DNAH5: variants seen among roughly 807,000 people sequenced by gnomAD.
DNAH5 encodes dynein axonemal heavy chain 5.
Under a neutral mutation model 518.2 loss-of-function variants are expected in DNAH5, and 372 were observed. The observed-to-expected ratio is 0.72, with a 90% CI of 0.66 to 0.78. The LOEUF (loss-of-function observed/expected upper bound fraction) is 0.78. DNAH5 is among the 30% of genes least tolerant of loss of function. DNAH5 has a pLI of 0.00. For synonymous variants in DNAH5, 2,039 were observed against 2,025.9 expected, an observed-to-expected ratio of 1.01 and a Z score of -0.17; for missense variants, 5,523 against 5,687.0, an observed-to-expected ratio of 0.97 and a Z score of 0.93.
In DNAH5 at chr5:13,766,162, G is replaced by A. The variant is rs2126762928; in HGVS notation, c.9915C>T (p.Asp3305=). The A allele has an allele frequency of 1.2e-6, 2 of 1,614,198 alleles. No homozygotes were observed. Among genetic ancestry groups the A allele is most frequent in the South Asian group, 2.2e-5 (2 of 91,086 alleles). ...EAALQTIRPS[D]IATVRTLGRP... ...GGCCCAACGTGCGAACAGTGGCGAT[G>A]TCCGAAGGCCTGATGGTCTGGGGGA... is the stretch of plus-strand genomic sequence containing the variant. Residue 3305 remains aspartate (D), a synonymous_variant, in exon 59 of 79, where the codon GAC becomes GAT. Coordinates refer to ENST00000265104, the MANE Select transcript of DNAH5 (RefSeq NM_001369.3).
chr5:13,892,756 C>T (rs1356088418), intron 16 of DNAH5, among the ~76,000 whole-genome samples: 2 of 152,094 alleles, frequency 1.3e-5, no homozygotes, highest in African/African-American at 4.8e-5. Context: ...TGTTTTTATA[C>T]ATTTCATAAG....
At chr5:13,877,404 T>C (rs889060597) in intron 21 of DNAH5, among the ~76,000 whole-genome samples, 1 of 152,200 alleles carries the variant, frequency 6.6e-6, no homozygotes, top group Non-Finnish European at 1.5e-5. Flanking sequence ...CCTGAGGCAA[T>C]GATATTAGTT....
At chr5:13,839,265 G>T in intron 35 of DNAH5, 91 bp downstream of exon 35, 1 of 1,141,800 alleles carries the variant, frequency 8.8e-7, no homozygotes, top group Non-Finnish European at 1.3e-6. Context: ...AGTATAAAGA[G>T]CCTATAAACC....
chr5:13,792,149 T>C lies in DNAH5; in HGVS notation c.8293A>G (p.Lys2765Glu), dbSNP rs1363653850. 1.2e-6 allele frequency: 2 copies of C among 1,613,908 alleles called. No homozygotes were observed. The highest frequency in any genetic ancestry group is 3.3e-5 in the Admixed American group (2 of 59,980). Reference sequence around the variant, plus strand: ...AGTCGGCGTGTCAGAGGCACCAATTTTGTCACAGAATCTCTCACTTCTTCT... The same window carrying C: ...AGTCGGCGTGTCAGAGGCACCAATTCTGTCACAGAATCTCTCACTTCTTCT... ...FSEEVRDSVTKLVPLTRRLWQ... is the reference protein window; with the variant it reads ...FSEEVRDSVTELVPLTRRLWQ... Residue 2765 changes from lysine (K) to glutamate (E), a missense_variant, in exon 50 of 79, where the codon AAA becomes GAA. By Grantham distance (56) the Lys-to-Glu change is moderately conservative (BLOSUM62 1). Around this residue, in one of 3 missense-constraint regions of DNAH5, gnomAD observed 5,121 missense variants for 5,223.3 expected, o/e 0.98. Coordinates refer to ENST00000265104, the MANE Select transcript of DNAH5 (RefSeq NM_001369.3).
Position 13,780,832 on chromosome 5 carries a change from G to T in DNAH5, c.8948C>A (p.Thr2983Lys). The change falls in exon 53 of 79, where the codon ACG (threonine) becomes AAG (lysine). Residue 2983 changes from threonine to lysine, a missense_variant. Physicochemically the swap from Thr to Lys is moderately conservative, Grantham distance 78. This residue lies in a region of DNAH5 where 5,121 missense variants were observed against 5,223.3 expected (regional missense o/e 0.98). Transcript: ENST00000265104. ...TGTTAAAGTAAAAGGTTGTCACCTC[G>T]TCAGAGTGATCTGGAAGGAAACGTA... ...AGYVSFQITL[T>K]RSYNTSNLME... 2 of 1,613,470 alleles carry T rather than the reference G, an allele frequency of 1.2e-6. No individual in the cohort carries two copies. The highest frequency in any genetic ancestry group is 1.3e-5 in the African/African-American group (1 of 75,008).
intron 24 of DNAH5, 142 bp from the exon 25 acceptor site, chr5:13,868,134 G>C: frequency 2.7e-6 from 2 of 735,686 alleles, no homozygotes; most frequent in Non-Finnish European, 4.6e-6. Context: ...ACTTCAAACC[G>C]CAAGAGGTTA....
At chr5:14,008,566 C>T (rs1283260677) in intron 1 of DNAH5, among the ~76,000 whole-genome samples, 2 of 151,526 alleles carry the variant, frequency 1.3e-5, no homozygotes, top group African/African-American at 2.4e-5. Context: ...TGCTTGAACC[C>T]TTGGAGATGG....
intron 11 of DNAH5, 126 bp from the exon 12 acceptor site, chr5:13,911,619 A>AT (rs560617577): frequency 2.6e-6 from 2 of 768,710 alleles, no homozygotes; most frequent in African/African-American, 3.5e-5. Context: ...AGGAAGCCTT[A>AT]TTTTTTTACT....
At chr5:13,927,231 A>C (rs1777969329) in intron 3 of DNAH5, among the ~76,000 whole-genome samples, 2 of 152,200 alleles carry the variant, frequency 1.3e-5, no homozygotes, top group Admixed American at 6.5e-5. Context: ...ACGGTGGCTC[A>C]CGCCTATATC....
intron 2 of DNAH5, among the ~76,000 whole-genome samples, chr5:13,930,846 C>G (rs1190614965): frequency 6.6e-6 from 1 of 152,232 alleles, no homozygotes; most frequent in African/African-American, 2.4e-5. Context: ...GAGAGCCCAG[C>G]TTCACTGGAT....
intron 65 of DNAH5, among the ~76,000 whole-genome samples, chr5:13,750,139 G>A (rs374949203): frequency 3.9e-5 from 6 of 152,218 alleles, no homozygotes; most frequent in South Asian, 2.1e-4. Flanking sequence ...GGCAAGCACC[G>A]TACAACACAC....
Position 13,810,172 on chromosome 5 carries a change from T to A in DNAH5, c.7496A>T (p.Asp2499Val). Residue 2499 changes from aspartate to valine, a missense_variant, in exon 45 of 79, where the codon GAC becomes GTC. Asp to Val is a radical substitution (Grantham distance 152, BLOSUM62 -3). Around this residue, in one of 3 missense-constraint regions of DNAH5, gnomAD observed 5,121 missense variants for 5,223.3 expected, o/e 0.98. Coordinates refer to ENST00000265104, the MANE Select transcript of DNAH5 (RefSeq NM_001369.3). ...LWSAGAALEL[D>V]GRRRLELWLR... ...CCAGAGCTCCAGGCGGCGCCGTCCG[T>A]CCAGCTCCAGCGCCGCCCCCGCGCT... 6.5e-7 allele frequency: 1 copy of A among 1,548,844 alleles called. No individual in the cohort carries two copies. Among genetic ancestry groups the A allele is most frequent in the Non-Finnish European group, 8.7e-7 (1 of 1,145,900 alleles).
In DNAH5 at chr5:13,823,370, T is replaced by C; in HGVS notation, c.6580A>G (p.Ile2194Val). The C allele has an allele frequency of 6.2e-7, 1 of 1,603,800 alleles. No homozygotes were observed. The highest frequency in any genetic ancestry group is 1.7e-4 in the Middle Eastern group (1 of 6,046). ...AAAAACAAGGGTTCATCCTCATCAA[T>C]CTAAAAAAAGAAAATGGGAAATCAG... ...VLRDMNLSKL[I>V]DEDEPLFLSL... The change falls in exon 40 of 79, where the codon ATT becomes GTT. Residue 2194 changes from isoleucine (I) to valine (V), a missense_variant and splice_region_variant. Coordinates refer to ENST00000265104, the MANE Select transcript of DNAH5 (RefSeq NM_001369.3).
chr5:13,892,685 G>A (rs1440035739), intron 16 of DNAH5, among the ~76,000 whole-genome samples: 1 of 152,086 alleles, frequency 6.6e-6, no homozygotes, highest in Non-Finnish European at 1.5e-5. Context: ...TCTAAAGGAA[G>A]GATATTACTA....
rs886059972 is a variant in DNAH5, at chr5:13,753,367, C to T, written c.10738G>A (p.Gly3580Ser). Residue 3580 changes from glycine (G) to serine (S), a missense_variant, in exon 63 of 79, where the codon GGT (glycine) becomes AGT (serine). By Grantham distance (56) the Gly-to-Ser change is moderately conservative. Around this residue, in one of 3 missense-constraint regions of DNAH5, gnomAD observed 5,121 missense variants for 5,223.3 expected, o/e 0.98. Transcript: ENST00000265104. Reference protein sequence around the residue: ...APTISEWNLQGLPNDDLSIQN... With the variant: ...APTISEWNLQSLPNDDLSIQN... ...ATGGACAAGTCATCATTTGGCAGACCTTGGAGGTTCCATTCACTAATAGTA... is the reference window on the plus strand; with the variant it reads ...ATGGACAAGTCATCATTTGGCAGACTTTGGAGGTTCCATTCACTAATAGTA... 3 of 1,613,864 alleles carry T rather than the reference C, an allele frequency of 1.9e-6. No homozygotes were observed. The East Asian group carries it at 6.7e-5, about 36-fold the overall frequency.
At chr5:13,734,966 AATAG>A (rs542654178) in intron 68 of DNAH5, among the ~76,000 whole-genome samples, 161 bp downstream of exon 68, 146 of 152,328 alleles carry the variant, frequency 9.6e-4, no homozygotes, top group Non-Finnish European at 1.9e-3. Context: ...GTAGGTCCTC[AATAG>A]ATAGTTATCA....
Position 13,742,029 on chromosome 5 carries a change from A to C in DNAH5, c.11212-4534T>G, listed in dbSNP as rs756983480. Among the ~76,000 whole-genome samples the C allele has an allele frequency of 2.6e-4, 40 of 152,236 alleles. 1 individual carries two copies. The highest frequency in any genetic ancestry group is 1.2e-3 in the Admixed American group (18 of 15,266). On this transcript the variant is annotated intron_variant, in intron 65 of 78. Coordinates refer to ENST00000265104, the MANE Select transcript of DNAH5 (RefSeq NM_001369.3). Reference sequence around the variant, plus strand: ...TTCTCCCTTGATTCATTTCTGGCCAAATTTTCAGAAGCATGATAATGCTTA... The same window carrying C: ...TTCTCCCTTGATTCATTTCTGGCCACATTTTCAGAAGCATGATAATGCTTA...
chr5:13,921,473 T>TCACA (rs1366178016), intron 5 of DNAH5, among the ~76,000 whole-genome samples: 43 of 57,824 alleles, frequency 7.4e-4, no homozygotes, highest in African/African-American at 2.5e-3. Context: ...TCTATCTCTC[T>TCACA]CTCACACACA....
intron 10 of DNAH5, among the ~76,000 whole-genome samples, 167 bp from the exon 11 acceptor site, chr5:13,914,125 C>T (rs1490425489): frequency 6.6e-6 from 1 of 152,038 alleles, no homozygotes; most frequent in African/African-American, 2.4e-5. Flanking sequence ...TTTTCACCTC[C>T]TCTAATCTAG....
Sources: allele counts gnomAD v4.1 joint callset (sites outside exome capture counted in the v4.1 genomes callset), GRCh38; gene constraint gnomAD v4.1.1; regional missense constraint gnomAD v4.1.1; transcripts MANE v1.5; gene names NCBI Gene and HGNC (gene_info 2026-07-23, HGNC 2026-07-21).